SGCZ: variants seen among roughly 807,000 people sequenced by gnomAD.
SGCZ encodes the protein sarcoglycan zeta.
SGCZ carries 40 observed loss-of-function variants against 41.3 expected under a neutral mutation model. The ratio of observed to expected loss-of-function variants is 0.97; its 90% CI spans 0.75 to 1.26. The LOEUF (loss-of-function observed/expected upper bound fraction) is 1.26. Among genes scored for constraint, SGCZ ranks in the 50% most tolerant of loss-of-function variants. SGCZ has a pLI of 0.00. For synonymous variants in SGCZ, 206 were observed against 137.5 expected (o/e 1.50, Z -3.49); for missense variants, 552 against 369.8 (o/e 1.49, Z -4.04).
chr8:15,179,204 G>A (rs1052630909), intron 1 of SGCZ, among the ~76,000 whole-genome samples: 3 of 152,048 alleles, frequency 2.0e-5, no homozygotes, highest in Non-Finnish European at 4.4e-5. Flanking sequence ...AATTGATGAA[G>A]ATCAAATAAT....
intron 2 of SGCZ, among the ~76,000 whole-genome samples, chr8:14,326,298 G>C (rs1242379422): frequency 6.6e-6 from 1 of 151,686 alleles, no homozygotes; most frequent in Non-Finnish European, 1.5e-5. Flanking sequence ...CGAAAGTTGA[G>C]GGAATATAAT....
At chr8:15,086,817 G>A (rs1243485895) in intron 1 of SGCZ, among the ~76,000 whole-genome samples, 1 of 151,868 alleles carries the variant, frequency 6.6e-6, no homozygotes, top group Non-Finnish European at 1.5e-5. Flanking sequence ...TGTCTTTCTG[G>A]AGTAATCTTG....
At chr8:14,252,680 G>A (rs769261825) in intron 3 of SGCZ, among the ~76,000 whole-genome samples, 3 of 152,058 alleles carry the variant, frequency 2.0e-5, no homozygotes, top group African/African-American at 7.2e-5. Flanking sequence ...AAAGTCGAGG[G>A]GGCAGGACAA....
chr8:14,347,702 T>C (rs1188640895), intron 2 of SGCZ, among the ~76,000 whole-genome samples: 1 of 152,020 alleles, frequency 6.6e-6, no homozygotes, highest in East Asian at 1.9e-4. Context: ...AGATTATTTA[T>C]TTATTTAAAA....
chr8:14,448,783 A>C (rs933021941), intron 2 of SGCZ, among the ~76,000 whole-genome samples: 2 of 152,068 alleles, frequency 1.3e-5, no homozygotes, highest in African/African-American at 2.4e-5. Flanking sequence ...CCTCAGTTCA[A>C]CGTCTGCCCT....
chr8:14,798,375 A>G (rs2130493236), intron 1 of SGCZ, among the ~76,000 whole-genome samples: 1 of 152,348 alleles, frequency 6.6e-6, no homozygotes, highest in South Asian at 2.1e-4. Context: ...ACTATTTATC[A>G]TAAAGTATGT....
intron 1 of SGCZ, among the ~76,000 whole-genome samples, chr8:14,738,909 A>T (rs1799123527): frequency 6.6e-6 from 1 of 152,062 alleles, no homozygotes; most frequent in African/African-American, 2.4e-5. Flanking sequence ...TCCCCCAGGT[A>T]GGCTCTCTCT....
At chr8:14,117,360 T>TGG in intron 5 of SGCZ, among the ~76,000 whole-genome samples, 1 of 148,698 alleles carries the variant, frequency 6.7e-6, no homozygotes, top group East Asian at 2.0e-4. Flanking sequence ...GGTAGTGTTT[T>TGG]TTTTTTTTTT....
intron 3 of SGCZ, among the ~76,000 whole-genome samples, chr8:14,316,180 A>G (rs1349996278): frequency 4.6e-5 from 7 of 151,978 alleles, no homozygotes; most frequent in Admixed American, 4.6e-4. Context: ...AAGTCTCTCA[A>G]TGAATAGATT....
intron 5 of SGCZ, among the ~76,000 whole-genome samples, chr8:14,128,491 C>A (rs1482353151): frequency 1.3e-5 from 2 of 152,110 alleles, no homozygotes; most frequent in Non-Finnish European, 2.9e-5. Context: ...AAACAGTATG[C>A]AGATTTCTCA....
intron 1 of SGCZ, among the ~76,000 whole-genome samples, chr8:15,155,824 G>A (rs1317149589): frequency 6.6e-6 from 1 of 152,124 alleles, no homozygotes; most frequent in African/African-American, 2.4e-5. Context: ...TTGGGAGTCT[G>A]AGGCAGGTGG....
chr8:14,444,170 T>C (rs1222451496), intron 2 of SGCZ, among the ~76,000 whole-genome samples: 10 of 152,108 alleles, frequency 6.6e-5, no homozygotes, highest in Non-Finnish European at 1.5e-5. Flanking sequence ...CAACAGGTGC[T>C]GGAGAGGTTG....
chr8:14,119,358 C>T (rs1000823692), intron 5 of SGCZ, among the ~76,000 whole-genome samples: 1 of 150,260 alleles, frequency 6.7e-6, no homozygotes, highest in Admixed American at 6.7e-5. Flanking sequence ...ATTTGGCTCT[C>T]TGTTTGTCTA....
chr8:14,745,753 G>A (rs543174676), intron 1 of SGCZ, among the ~76,000 whole-genome samples: 103 of 152,122 alleles, frequency 6.8e-4, no homozygotes, highest in Non-Finnish European at 1.2e-3. Context: ...CAGGGGAGGG[G>A]CATGGGGAAA....
At chr8:14,477,662 G>T (rs1801399404) in intron 2 of SGCZ, among the ~76,000 whole-genome samples, 1 of 152,052 alleles carries the variant, frequency 6.6e-6, no homozygotes, top group Non-Finnish European at 1.5e-5. Flanking sequence ...GAAAACGTTA[G>T]GTCTAACTTT....
chr8:14,710,224 G>C (rs935033632), intron 1 of SGCZ, among the ~76,000 whole-genome samples: 1 of 151,812 alleles, frequency 6.6e-6, no homozygotes, highest in African/African-American at 2.4e-5. Flanking sequence ...AAAAAAATTA[G>C]CAGGGCGTGG....
intron 1 of SGCZ, among the ~76,000 whole-genome samples, chr8:15,111,719 G>C (rs541008100): frequency 6.6e-6 from 1 of 152,142 alleles, no homozygotes; most frequent in African/African-American, 2.4e-5. Context: ...GGCCAACATG[G>C]TGAAACCCTG....
At chr8:14,385,040 G>A (rs1804520853) in intron 2 of SGCZ, among the ~76,000 whole-genome samples, 1 of 152,182 alleles carries the variant, frequency 6.6e-6, no homozygotes, top group Non-Finnish European at 1.5e-5. Flanking sequence ...TTTTCATGAT[G>A]AAGAAGCTAT....
intron 1 of SGCZ, among the ~76,000 whole-genome samples, chr8:14,880,335 A>T (rs908904073): frequency 6.6e-6 from 1 of 152,180 alleles, no homozygotes; most frequent in African/African-American, 2.4e-5. Context: ...AGAAATAGGA[A>T]CACTTTTACA....
Sources: gnomAD v4.1 joint callset for allele counts (sites outside exome capture counted in the v4.1 genomes callset) on GRCh38, gnomAD v4.1.1 for gene constraint, MANE v1.5 for transcripts, NCBI Gene and HGNC (gene_info 2026-07-23, HGNC 2026-07-21) for gene names.